Variants in ITFG2 observed in about 807,000 individuals in gnomAD.
ITFG2 encodes the protein KICSTOR complex protein ITFG2.
ITFG2 carries 36 observed loss-of-function variants against 54.4 expected under a neutral mutation model. The ratio of observed to expected loss-of-function variants is 0.66; its 90% confidence interval spans 0.51 to 0.87. The LOEUF is 0.87. Among genes scored for constraint, ITFG2 ranks in the 40% least tolerant of loss-of-function variants. The probability of loss-of-function intolerance (pLI) is 0.00; values close to 1 mark genes in which losing one functional copy is unlikely to be tolerated. For missense variants in ITFG2, 524 were observed against 576.7 expected (o/e 0.91, Z 0.94); for synonymous variants, 211 against 225.4 (o/e 0.94, Z 0.57).
chr12:2,818,114 G>A lies in ITFG2; in HGVS notation c.243G>A (p.Leu81=). The part of the protein sequence containing the change: ...GDVCNKGKNL[L]VAVSAEGWFH... ...ACCTCTGTTTGTCCTAGAACCTGTT[G>A]GTGGCAGTGAGTGCTGAAGGCTGGT... The change falls in exon 4 of 12, where the codon TTG becomes TTA. Residue 81 remains leucine, a synonymous_variant. Coordinates refer to ENST00000228799, the MANE Select transcript of ITFG2 (RefSeq NM_018463.4). 6.2e-7 allele frequency: 1 copy of A among 1,614,012 alleles called. No individual in the cohort carries two copies. The highest frequency in any genetic ancestry group is 8.5e-7 in the Non-Finnish European group (1 of 1,179,944).
At chr12:2,817,396 C>CCTGTG in intron 2 of ITFG2, 78 bp downstream of exon 2, 10 of 954,728 alleles carry the variant, frequency 1.0e-5, no homozygotes, top group East Asian at 2.5e-5. Flanking sequence ...GAGCCCCACA[C>CCTGTG]AGGTGCTCAC....
At position 2,824,254 on chromosome 12, in the gene ITFG2, T is replaced by C; in HGVS notation, c.*61T>C. ...GAACCCCCACCCTACCCCCTAAAGGTATCTGTGGTATTGGCAGGATAGGGA... is the reference window on the plus strand; with the variant it reads ...GAACCCCCACCCTACCCCCTAAAGGCATCTGTGGTATTGGCAGGATAGGGA... On this transcript the variant is annotated 3_prime_UTR_variant, in exon 12 of 12. Coordinates refer to ENST00000228799, the MANE Select transcript of ITFG2 (RefSeq NM_018463.4). 1 of 1,497,502 alleles carries C rather than the reference T, an allele frequency of 6.7e-7. No homozygotes were observed. Among genetic ancestry groups the C allele is most frequent in the South Asian group, 1.1e-5 (1 of 88,590 alleles). The allele number at this position is 1,497,502 out of a possible 1,614,324, so 92.8% of individuals were successfully genotyped here.
intron 2 of ITFG2, chr12:2,855,140 AGTCG>A: frequency 6.5e-7 from 1 of 1,531,046 alleles, no homozygotes; most frequent in South Asian, 1.2e-5. Context: ...TGGGCATTGG[AGTCG>A]GTCAGCCAGC....
At chr12:2,813,011 G>T in intron 1 of ITFG2, 155 bp downstream of exon 1, 1 of 577,956 alleles carries the variant, frequency 1.7e-6, no homozygotes, top group East Asian at 2.8e-5. Context: ...GATAGCTTCA[G>T]TGTTCGTGGT....
downstream of ITFG2, chr12:2,827,074 G>T: frequency 6.7e-7 from 1 of 1,502,012 alleles, no homozygotes; most frequent in Non-Finnish European, 8.8e-7. This position sits in a 1 kb window ranked among gnomAD's most constrained non-coding sequence, Gnocchi z 4.0. Context: ...AAATGGGACA[G>T]CAGGGGTCAG....
chr12:2,832,895 G>A (rs2098010606), upstream of ITFG2, among the ~76,000 whole-genome samples: 1 of 151,588 alleles, frequency 6.6e-6, no homozygotes, highest in Non-Finnish European at 1.5e-5. Context: ...TGGCAGCAAG[G>A]CTGCCAGCAG....
chr12:2,850,209 C>T (rs1013599368), intron 2 of ITFG2, among the ~76,000 whole-genome samples: 1 of 152,148 alleles, frequency 6.6e-6, no homozygotes, highest in African/African-American at 2.4e-5. Context: ...GACCCAGTGG[C>T]TCACACCTGT....
chr12:2,819,806 G>C, intron 4 of ITFG2: 1 of 280,738 alleles, frequency 3.6e-6, no homozygotes. Flanking sequence ...TAGGGGGCTT[G>C]TAGGTGGTGG....
chr12:2,859,415 C>A, intron 3 of ITFG2: 1 of 1,613,918 alleles, frequency 6.2e-7, no homozygotes, highest in South Asian at 1.1e-5. Context: ...GAGATTGGGA[C>A]GAATCCTCCC....
At chr12:2,858,704 G>C in intron 3 of ITFG2, 1 of 1,614,188 alleles carries the variant, frequency 6.2e-7, no homozygotes, top group South Asian at 1.1e-5. Context: ...CCTCGTCCAG[G>C]CCAGGAAAGC....
At chr12:2,857,333 C>T (rs1305264762) in intron 2 of ITFG2, 3 of 443,374 alleles carry the variant, frequency 6.8e-6, no homozygotes, top group Middle Eastern at 1.4e-3. Context: ...GGGAATGAAG[C>T]ACCTGTAACT....
At chr12:2,818,432 A>T in intron 4 of ITFG2, 155 bp downstream of exon 4, 1 of 1,448,708 alleles carries the variant, frequency 6.9e-7, no homozygotes, top group Non-Finnish European at 9.3e-7. Flanking sequence ...CACTCAAGGC[A>T]CTGGAATTGC....
chr12:2,835,595 G>T, upstream of ITFG2: 1 of 152,190 alleles, frequency 6.6e-6, no homozygotes, highest in Non-Finnish European at 1.5e-5. Context: ...ATCTTCCCAC[G>T]AGTAGAAATT....
intron 3 of ITFG2, chr12:2,858,463 C>A (rs1300591542): frequency 3.4e-6 from 2 of 591,582 alleles, no homozygotes; most frequent in Non-Finnish European, 5.9e-6. Flanking sequence ...TTGGGGAACA[C>A]AAGGTCCCAG....
At chr12:2,818,359 A>G in intron 4 of ITFG2, 82 bp downstream of exon 4, 1 of 1,583,040 alleles carries the variant, frequency 6.3e-7, no homozygotes, top group African/African-American at 1.3e-5. Flanking sequence ...TTGGGGTGAG[A>G]GGGAGAATCC....
At chr12:2,813,964 G>A (rs1221636448) in intron 1 of ITFG2, among the ~76,000 whole-genome samples, 1 of 152,146 alleles carries the variant, frequency 6.6e-6, no homozygotes, top group Non-Finnish European at 1.5e-5. Flanking sequence ...TTTTTATAGA[G>A]ACAGGGTCTC....
intron 3 of ITFG2, chr12:2,859,407 G>A (rs1236101560): frequency 1.2e-6 from 2 of 1,614,094 alleles, no homozygotes; most frequent in Admixed American, 3.3e-5. Context: ...TGGGGTGGGA[G>A]ATTGGGACGA....
intron 1 of ITFG2, 28 bp downstream of exon 1, chr12:2,812,884 G>A (rs770576465): frequency 5.7e-6 from 9 of 1,580,348 alleles, no homozygotes; most frequent in East Asian, 4.5e-5. Context: ...GCAAGAGACA[G>A]CCTGGATCTG....
upstream of ITFG2, chr12:2,835,156 C>CGTTTGTGTGTGTGTGTGTGTGTGT: frequency 3.8e-6 from 5 of 1,299,348 alleles, no homozygotes; most frequent in East Asian, 7.7e-5. Flanking sequence ...GTGGATGGGG[C>CGTTTGTGTGTGTGTGTGTGTGTGT]GTATGTGTGT....
Sources: gnomAD v4.1 joint callset for allele counts (sites outside exome capture counted in the v4.1 genomes callset) on GRCh38, gnomAD v4.1.1 for gene constraint, Gnocchi (gnomAD v3.1) non-coding constraint, MANE v1.5 for transcripts, NCBI Gene and HGNC (gene_info 2026-07-23, HGNC 2026-07-21) for gene names.